SGMS1: variants seen among roughly 807,000 people sequenced by gnomAD.
SGMS1 encodes sphingomyelin synthase 1.
A neutral mutation model predicts 46.2 loss-of-function variants in SGMS1; 13 were observed. That is an observed-to-expected ratio of 0.28 (90% CI 0.18 to 0.45). The LOEUF is 0.45. Ranked by LOEUF, SGMS1 falls within the 20% of genes least tolerant of loss-of-function variation. SGMS1 has a pLI of 1.00. For synonymous variants in SGMS1, 203 were observed against 187.8 expected (o/e 1.08, Z -0.66); for missense variants, 324 against 519.9 (o/e 0.62, Z 3.66).
chr10:50,594,622 T>C (rs1838573516), intron 1 of SGMS1, among the ~76,000 whole-genome samples: 1 of 152,232 alleles, frequency 6.6e-6, no homozygotes, highest in South Asian at 2.1e-4. Flanking sequence ...AGCTGTCCTT[T>C]ATAGGTTTAG....
Position 50,307,079 on chromosome 10 carries a change from ATCT to A in SGMS1, c.*60_*62del. 2.0e-6 allele frequency: 3 copies of A among 1,482,556 alleles called. No individual in the cohort carries two copies. In the South Asian group the frequency reaches 3.8e-5, roughly 19 times the overall value. The allele number at this position is 1,482,556 out of a possible 1,614,324, so 91.8% of individuals were successfully genotyped here. On this transcript the variant is annotated 3_prime_UTR_variant, in exon 11 of 11. Coordinates refer to ENST00000361781, the MANE Select transcript of SGMS1 (RefSeq NM_147156.4). The surrounding 1 kb of genome is among the most constrained non-coding windows in gnomAD (Gnocchi z 4.2). ...ATTAGGGAGGTGTTTATTTTATGGC[ATCT>A]TCTCTCATGGAGTTCTTAGCACTTC...
At chr10:50,577,144 C>T (rs1838392492) in intron 2 of SGMS1, among the ~76,000 whole-genome samples, 1 of 152,158 alleles carries the variant, frequency 6.6e-6, no homozygotes, top group Admixed American at 6.5e-5. Flanking sequence ...TTCCGTTAAG[C>T]TAGGGGTAAC....
At chr10:50,573,789 G>C (rs1265901022) in intron 2 of SGMS1, among the ~76,000 whole-genome samples, 1 of 152,116 alleles carries the variant, frequency 6.6e-6, no homozygotes, top group African/African-American at 2.4e-5. Flanking sequence ...TGAAGCTACA[G>C]TAATGAAAAC....
chr10:50,478,643 C>A (rs1426107085), intron 3 of SGMS1, among the ~76,000 whole-genome samples: 1 of 151,970 alleles, frequency 6.6e-6, no homozygotes, highest in Non-Finnish European at 1.5e-5. Context: ...TATAAGTAAC[C>A]TGATGCATAA....
intron 5 of SGMS1, among the ~76,000 whole-genome samples, chr10:50,453,292 TGG>T (rs958518932): frequency 6.6e-6 from 1 of 151,968 alleles, no homozygotes; most frequent in African/African-American, 2.4e-5. Flanking sequence ...GTGGCAAAAA[TGG>T]TATTTAAAAA....
chr10:50,338,475 T>A (rs925261658), intron 7 of SGMS1, among the ~76,000 whole-genome samples: 2 of 152,206 alleles, frequency 1.3e-5, no homozygotes, highest in African/African-American at 4.8e-5. Context: ...TCAAACAAAG[T>A]TGGAGATTTC....
chr10:50,486,440 T>C (rs1837521886), intron 3 of SGMS1, among the ~76,000 whole-genome samples: 1 of 151,394 alleles, frequency 6.6e-6, no homozygotes, highest in South Asian at 2.1e-4. Flanking sequence ...ATAACCAGAG[T>C]CCACAAGGAA....
intron 2 of SGMS1, among the ~76,000 whole-genome samples, chr10:50,521,047 T>A (rs898208287): frequency 6.6e-6 from 1 of 150,844 alleles, no homozygotes; most frequent in Non-Finnish European, 1.5e-5. Context: ...CCCAGTTGAT[T>A]TTTTTTTTAG....
At position 50,307,289 on chromosome 10, in the gene SGMS1, C is replaced by T. The variant is rs1426235803; in HGVS notation, c.1095G>A (p.Leu365=). 1 of 1,613,692 alleles carries T rather than the reference C, an allele frequency of 6.2e-7. No homozygotes were observed. The highest frequency in any genetic ancestry group is 8.5e-7 in the Non-Finnish European group (1 of 1,179,818). The change falls in exon 11 of 11, where the codon CTG becomes CTA. Residue 365 remains leucine, a synonymous_variant. Coordinates refer to ENST00000361781, the MANE Select transcript of SGMS1 (RefSeq NM_147156.4). The surrounding 1 kb of genome is among the most constrained non-coding windows in gnomAD (Gnocchi z 4.2). ...ATGGCCTGTACCACCACACCCTGGC[C>T]AGGAGGTTCATCTGGGAAGCTTCCT... is the stretch of plus-strand genomic sequence containing the variant. The part of the protein sequence containing the change: ...VLKEASQMNL[L]ARVWWYRPFQ...
intron 6 of SGMS1, among the ~76,000 whole-genome samples, chr10:50,430,911 A>ACTCATGTTCATG (rs1239655477): frequency 6.6e-6 from 1 of 152,114 alleles, no homozygotes; most frequent in Non-Finnish European, 1.5e-5. Flanking sequence ...ATATCAACAA[A>ACTCATGTTCATG]CATGAGTTTG....
At chr10:50,510,853 C>T (rs1013013613) in intron 3 of SGMS1, among the ~76,000 whole-genome samples, 2 of 152,072 alleles carry the variant, frequency 1.3e-5, no homozygotes, top group African/African-American at 2.4e-5. Flanking sequence ...TTTTTACATA[C>T]AATTCTATAA....
At chr10:50,507,536 C>T (rs1211527609) in intron 3 of SGMS1, among the ~76,000 whole-genome samples, 3 of 152,210 alleles carry the variant, frequency 2.0e-5, no homozygotes, top group African/African-American at 4.8e-5. Context: ...ACACTCTGTA[C>T]CTACAGTGGA....
intron 3 of SGMS1, among the ~76,000 whole-genome samples, chr10:50,509,508 T>C (rs1837735986): frequency 6.6e-6 from 1 of 152,208 alleles, no homozygotes; most frequent in Non-Finnish European, 1.5e-5. Flanking sequence ...AAAACGGATC[T>C]GAAAAGTCAA....
chr10:50,422,352 G>A (rs550667106), intron 6 of SGMS1, among the ~76,000 whole-genome samples: 26 of 152,220 alleles, frequency 1.7e-4, no homozygotes, highest in African/African-American at 6.0e-4. Flanking sequence ...GACACATCAA[G>A]AATAAACAAA....
chr10:50,445,153 A>C (rs919839115), intron 5 of SGMS1, among the ~76,000 whole-genome samples: 3 of 152,216 alleles, frequency 2.0e-5, no homozygotes, highest in Admixed American at 6.5e-5. Flanking sequence ...GGAATCTACA[A>C]GATACCACTT....
At chr10:50,455,437 C>A (rs993407915) in intron 5 of SGMS1, among the ~76,000 whole-genome samples, 1 of 152,176 alleles carries the variant, frequency 6.6e-6, no homozygotes, top group Non-Finnish European at 1.5e-5. Flanking sequence ...TACATTGATA[C>A]CCCTGCACCA....
intron 3 of SGMS1, among the ~76,000 whole-genome samples, chr10:50,490,697 T>C (rs1335948872): frequency 6.6e-6 from 1 of 152,210 alleles, no homozygotes; most frequent in African/African-American, 2.4e-5. Flanking sequence ...AAATCCTTGC[T>C]CTACCACTTA....
At chr10:50,546,425 A>G (rs920034174) in intron 2 of SGMS1, among the ~76,000 whole-genome samples, 11 of 152,208 alleles carry the variant, frequency 7.2e-5, no homozygotes, top group African/African-American at 2.7e-4. Context: ...ATGCACATGT[A>G]TGTTTATTGT....
intron 6 of SGMS1, among the ~76,000 whole-genome samples, chr10:50,395,262 G>C (rs2133520085): frequency 6.6e-6 from 1 of 152,264 alleles, no homozygotes; most frequent in East Asian, 1.9e-4. Context: ...AATCACACGA[G>C]TTGTTGGGAT....
Sources: gnomAD v4.1 joint callset for allele counts (sites outside exome capture counted in the v4.1 genomes callset) on GRCh38, gnomAD v4.1.1 for gene constraint, Gnocchi (gnomAD v3.1) non-coding constraint, MANE v1.5 for transcripts, NCBI Gene and HGNC (gene_info 2026-07-23, HGNC 2026-07-21) for gene names.